CKAP2: variants seen among roughly 807,000 people sequenced by gnomAD.
CKAP2 encodes cytoskeleton associated protein 2.
CKAP2 carries 46 observed loss-of-function variants against 58.4 expected under a neutral mutation model. That is an observed-to-expected ratio of 0.79 (90% CI 0.62 to 1.01). CKAP2 has a LOEUF of 1.01. CKAP2 is among the 50% of genes least tolerant of loss of function. The pLI is 0.00. For synonymous variants in CKAP2, 293 were observed against 280.9 expected (o/e 1.04, Z -0.43); for missense variants, 809 against 796.4 (o/e 1.02, Z -0.19).
chr13:52,459,089 GTTC>G (rs1356327719), intron 2 of CKAP2, among the ~76,000 whole-genome samples: 3 of 152,082 alleles, frequency 2.0e-5, no homozygotes, highest in East Asian at 1.9e-4. Context: ...AGTAAGATGG[GTTC>G]TTCTTGTCAT....
chr13:52,474,817 G>A, intron 8 of CKAP2, 78 bp from the exon 9 acceptor site: 1 of 1,380,580 alleles, frequency 7.2e-7, no homozygotes, highest in Admixed American at 2.0e-5. Flanking sequence ...AAGCTATATA[G>A]TATGGTACAT....
chr13:52,460,817 C>A, intron 2 of CKAP2, 82 bp from the exon 3 acceptor site: 1 of 1,170,320 alleles, frequency 8.5e-7, no homozygotes, highest in African/African-American at 1.6e-5. Context: ...TAATTGTTAA[C>A]ATTGCCCTCT....
Position 52,475,063 on chromosome 13 carries a change from G to C in CKAP2, c.1971G>C (p.Leu657Phe), listed in dbSNP as rs34624748. 3,459 of 1,614,190 alleles carry C rather than the reference G, an allele frequency of 2.1e-3. 7 individuals are homozygous for C. Among genetic ancestry groups the C allele is most frequent in the Non-Finnish European group, 2.4e-3 (2,787 of 1,180,028 alleles). Residue 657 changes from leucine (L) to phenylalanine (F), a missense_variant, in exon 9 of 9, where the codon TTG becomes TTC. Leu to Phe is a conservative substitution (Grantham distance 22, BLOSUM62 0). This residue lies in a region of CKAP2 where 283 missense variants were observed against 287.6 expected (regional missense o/e 0.98). Coordinates refer to ENST00000258607, the MANE Select transcript of CKAP2 (RefSeq NM_018204.5). Reference protein sequence around the residue: ...CVSSLEQLTELGRETDAFVCR... With the variant: ...CVSSLEQLTEFGRETDAFVCR... ...CTTCATTGGAACAGCTAACGGAGTT[G>C]GGAAGAGAAACTGATGCTTTTGTAT...
At chr13:52,456,128 A>G in intron 1 of CKAP2, 1 of 1,022,436 alleles carries the variant, frequency 9.8e-7, no homozygotes, top group South Asian at 4.4e-5. Flanking sequence ...TTATTCCCTT[A>G]TTCTACACAC....
At position 52,465,565 on chromosome 13, in the gene CKAP2, T is replaced by C. The variant is rs1594139193; in HGVS notation, c.1476+100T>C. The stretch of plus-strand genomic sequence containing the variant: ...ACATAACTTGAGAAAATTTTCTTTG[T>C]ATATGTAGTGGTAATAAATGTTTAA... On this transcript the variant is annotated intron_variant, in intron 6 of 8. Transcript: ENST00000258607. 3.9e-6 allele frequency: 4 copies of C among 1,026,362 alleles called. No individual in the cohort carries two copies. In the East Asian group the frequency reaches 7.2e-5, roughly 18 times the overall value. 63.6% of individuals were successfully genotyped at this position (1,026,362 alleles called of 1,614,324 possible).
At chr13:52,471,508 T>TAA (rs748000834) in intron 7 of CKAP2, among the ~76,000 whole-genome samples, 2 of 142,490 alleles carry the variant, frequency 1.4e-5, no homozygotes, top group African/African-American at 2.6e-5. Context: ...AGAAGAGGGT[T>TAA]AAAAAAAAAA....
chr13:52,474,810 C>G (rs1958805768), intron 8 of CKAP2, 85 bp from the exon 9 acceptor site: 2 of 1,292,894 alleles, frequency 1.5e-6, no homozygotes, highest in Non-Finnish European at 2.1e-6. Context: ...AACATACAAG[C>G]TATATAGTAT....
Position 52,461,692 on chromosome 13 carries a change from T to A in CKAP2, c.866T>A (p.Leu289Gln), listed in dbSNP as rs1958585372. The change falls in exon 4 of 9, where the codon CTA (leucine) becomes CAA (glutamine). Residue 289 changes from leucine (L) to glutamine (Q), a missense_variant. By Grantham distance (113) the Leu-to-Gln change is moderately radical (BLOSUM62 -2). This residue lies in a region of CKAP2 where 523 missense variants were observed against 492.4 expected (regional missense o/e 1.06). Coordinates refer to ENST00000258607, the MANE Select transcript of CKAP2 (RefSeq NM_018204.5). ...TIRKGPHEKE[L>Q]LQSKTALSSV... ...CGGAAAGGGCCTCATGAAAAAGAAC[T>A]ATTACAATCAAAAACAGCTTTATCT... 3.1e-6 allele frequency: 5 copies of A among 1,613,966 alleles called. No homozygotes were observed. Among genetic ancestry groups the A allele is most frequent in the South Asian group, 1.1e-5 (1 of 91,024 alleles).
chr13:52,460,877 T>C, intron 2 of CKAP2, 22 bp from the exon 3 acceptor site: 2 of 1,605,734 alleles, frequency 1.2e-6, no homozygotes, highest in South Asian at 2.2e-5. Context: ...ATTGATCATT[T>C]TGTTTGTTTG....
intron 5 of CKAP2, among the ~76,000 whole-genome samples, chr13:52,464,255 A>C (rs1958628480): frequency 1.3e-5 from 2 of 152,166 alleles, no homozygotes; most frequent in African/African-American, 4.8e-5. Flanking sequence ...ACTCAAAAAA[A>C]AAATCCCATT....
chr13:52,456,904 T>TC (rs1269726028), intron 2 of CKAP2, among the ~76,000 whole-genome samples: 1 of 152,090 alleles, frequency 6.6e-6, no homozygotes, highest in Non-Finnish European at 1.5e-5. Context: ...ATTAATTTTT[T>TC]TTTTTTTGAG....
intron 7 of CKAP2, among the ~76,000 whole-genome samples, chr13:52,471,413 A>G (rs890291217): frequency 2.6e-5 from 4 of 152,126 alleles, no homozygotes; most frequent in African/African-American, 9.7e-5. Context: ...TCTGAAATGT[A>G]TAATTGTAAG....
In CKAP2 at chr13:52,475,452, A is replaced by G. The variant is rs910503198; in HGVS notation, c.*311A>G. On this transcript the variant is annotated 3_prime_UTR_variant, in exon 9 of 9. Coordinates refer to ENST00000258607, the MANE Select transcript of CKAP2 (RefSeq NM_018204.5). ...TACTACCCTGTTCACTTTACTAAAT[A>G]TAAGTACAGTAATGATGCATAATTA... is the stretch of plus-strand genomic sequence containing the variant. 1.7e-5 allele frequency: 4 copies of G among 231,566 alleles called. No homozygotes were observed. The highest frequency in any genetic ancestry group is 2.3e-5 in the African/African-American group (1 of 44,236). 14.3% of individuals were successfully genotyped at this position (231,566 alleles called of 1,614,324 possible). A position where few individuals can be genotyped will look rare whatever the true frequency, so the allele number is the denominator to read the frequency against.
chr13:52,457,170 C>T (rs1958500096), intron 2 of CKAP2, among the ~76,000 whole-genome samples: 1 of 152,138 alleles, frequency 6.6e-6, no homozygotes, highest in Admixed American at 6.5e-5. Context: ...GCTGTGATTA[C>T]AAGGATGAGC....
At position 52,475,878 on chromosome 13, in the gene CKAP2, TA is replaced by T. The variant is rs1594147517; in HGVS notation, c.*739del. On this transcript the variant is annotated 3_prime_UTR_variant, in exon 9 of 9. Transcript: ENST00000258607. ...AGAAAAGATGCCACATTTAGTGGTT[TA>T]ACTTTTGTAACTTCACTTGATAGTT... The T allele has an allele frequency of 6.6e-6, 1 of 152,386 alleles. No individual in the cohort carries two copies. Among genetic ancestry groups the T allele is most frequent in the East Asian group, 1.9e-4 (1 of 5,194 alleles). The allele number at this position is 152,386 out of a possible 1,614,324, so 9.4% of individuals were successfully genotyped here. A position where few individuals can be genotyped will look rare whatever the true frequency, so the allele number is the denominator to read the frequency against.
chr13:52,456,636 C>T (rs1175127271), intron 2 of CKAP2, 29 bp downstream of exon 2: 8 of 1,521,976 alleles, frequency 5.3e-6, no homozygotes, highest in Non-Finnish European at 7.3e-6. Flanking sequence ...CTTTTCACTT[C>T]TGTAAAATTG....
intron 6 of CKAP2, chr13:52,465,930 C>CACACATATATATACACACATATATAT: frequency 3.1e-6 from 1 of 317,694 alleles, no homozygotes; most frequent in Non-Finnish European, 6.1e-6. Flanking sequence ...CATATATATA[C>CACACATATATATACACACATATATAT]ACACATATAT....
intron 5 of CKAP2, among the ~76,000 whole-genome samples, chr13:52,464,770 A>G (rs1958640253): frequency 6.6e-6 from 1 of 152,148 alleles, no homozygotes; most frequent in Non-Finnish European, 1.5e-5. Flanking sequence ...TCCACAGCAA[A>G]ACTGAATTCA....
rs72440971 is a variant in CKAP2 at position 52,455,635 on chromosome 13, C to CGCGGTGGCGGTGGCGGTG, written c.70+32_70+49dup. 9.6e-5 allele frequency: 150 copies of CGCGGTGGCGGTGGCGGTG among 1,562,980 alleles called. 1 individual carries two copies. Among genetic ancestry groups the CGCGGTGGCGGTGGCGGTG allele is most frequent in the Admixed American group, 5.7e-5 (3 of 52,590 alleles). ...GCAGTCCGCATTCAAAGGTGAAGGC[C>CGCGGTGGCGGTGGCGGTG]GCGGTGGCGGTGGCGGTGGCGGTGG... On this transcript the variant is annotated intron_variant, in intron 1 of 8. Coordinates refer to ENST00000258607, the MANE Select transcript of CKAP2 (RefSeq NM_018204.5).
Sources: gnomAD v4.1 joint callset for allele counts (sites outside exome capture counted in the v4.1 genomes callset) on GRCh38, gnomAD v4.1.1 for gene constraint, gnomAD v4.1.1 regional missense constraint, MANE v1.5 for transcripts, NCBI Gene and HGNC (gene_info 2026-07-23, HGNC 2026-07-21) for gene names.